The following COG5 variants were observed in gnomAD, a reference collection of about 807,000 sequenced individuals.
COG5 encodes the protein conserved oligomeric Golgi complex subunit 5.
COG5 carries 86 observed loss-of-function variants against 110.4 expected under a neutral mutation model. The observed-to-expected ratio is 0.78, with a 90% CI of 0.65 to 0.93. The LOEUF is 0.93. Ranked by LOEUF, COG5 falls within the 40% of genes least tolerant of loss-of-function variation. COG5 has a pLI of 0.00. For synonymous variants in COG5, 360 were observed against 334.6 expected, an observed-to-expected ratio of 1.08 and a Z score of -0.83; for missense variants, 1,077 against 987.0, an observed-to-expected ratio of 1.09 and a Z score of -1.22.
At chr7:107,210,713 C>A in intron 20 of COG5, 108 bp from the exon 21 acceptor site, 2 of 1,218,840 alleles carry the variant, frequency 1.6e-6, no homozygotes, top group South Asian at 1.3e-5. Flanking sequence ...TGAAACTGCC[C>A]CAAAACCTGT....
intron 6 of COG5, among the ~76,000 whole-genome samples, chr7:107,525,019 C>T (rs1383808655): frequency 6.6e-6 from 1 of 152,054 alleles, no homozygotes; most frequent in Non-Finnish European, 1.5e-5. Context: ...CCTCCGCCTC[C>T]TGGGTTCAAG....
At chr7:107,439,255 A>G (rs1216932456) in intron 6 of COG5, among the ~76,000 whole-genome samples, 1 of 151,488 alleles carries the variant, frequency 6.6e-6, no homozygotes, top group Non-Finnish European at 1.5e-5. Context: ...TATAACTATG[A>G]TGCAATTCCT....
intron 10 of COG5, among the ~76,000 whole-genome samples, chr7:107,358,547 G>T (rs1812827259): frequency 1.3e-5 from 2 of 152,276 alleles, no homozygotes; most frequent in Non-Finnish European, 2.9e-5. Context: ...CTATTGTCAG[G>T]AAATCCTGAT....
intron 19 of COG5, among the ~76,000 whole-genome samples, chr7:107,224,743 A>G (rs1191303055): frequency 1.3e-5 from 2 of 152,282 alleles, no homozygotes; most frequent in African/African-American, 4.8e-5. Context: ...GCCATGCTGC[A>G]GAGAGGTGGA....
intron 11 of COG5, among the ~76,000 whole-genome samples, chr7:107,316,206 A>G (rs1014988273): frequency 6.6e-6 from 1 of 152,218 alleles, no homozygotes; most frequent in African/African-American, 2.4e-5. Context: ...ATTTTTTATT[A>G]CATGGGAGCA....
intron 12 of COG5, among the ~76,000 whole-genome samples, chr7:107,295,955 T>G (rs978881944): frequency 6.6e-6 from 1 of 152,036 alleles, no homozygotes; most frequent in South Asian, 2.1e-4. Flanking sequence ...CACGCCTACA[T>G]AATTTTTTGT....
At chr7:107,457,358 AG>A (rs1197235207) in intron 6 of COG5, among the ~76,000 whole-genome samples, 1 of 147,748 alleles carries the variant, frequency 6.8e-6, no homozygotes, top group Non-Finnish European at 1.5e-5. Flanking sequence ...TAAAGCTATG[AG>A]GAGAAAAAAA....
At chr7:107,361,768 G>T (rs747799649) in intron 10 of COG5, among the ~76,000 whole-genome samples, 1 of 152,036 alleles carries the variant, frequency 6.6e-6, no homozygotes, top group Non-Finnish European at 1.5e-5. Flanking sequence ...CACCATATTG[G>T]TCAGGCTGGT....
intron 6 of COG5, among the ~76,000 whole-genome samples, chr7:107,414,618 A>G (rs1792563286): frequency 6.7e-6 from 1 of 148,432 alleles, no homozygotes; most frequent in Admixed American, 6.9e-5. Context: ...CCTTCCATTC[A>G]TGAACCTCTG....
chr7:107,263,494 T>G (rs543145161), intron 14 of COG5, among the ~76,000 whole-genome samples: 6 of 152,212 alleles, frequency 3.9e-5, no homozygotes, highest in Non-Finnish European at 8.8e-5. Context: ...GTTACACTAT[T>G]CCAGTACAAT....
At chr7:107,258,423 A>G in intron 14 of COG5, 40 bp from the exon 15 acceptor site, 1 of 1,124,696 alleles carries the variant, frequency 8.9e-7, no homozygotes, top group Non-Finnish European at 1.4e-6. Context: ...TCAGAATGAT[A>G]ATTCTCTCTC....
intron 7 of COG5, among the ~76,000 whole-genome samples, chr7:107,381,686 A>G (rs930973419): frequency 6.6e-6 from 1 of 152,250 alleles, no homozygotes; most frequent in Non-Finnish European, 1.5e-5. Context: ...GAAAATGTAC[A>G]AGACTCACGA....
At chr7:107,239,888 A>G (rs1355008020) in intron 17 of COG5, among the ~76,000 whole-genome samples, 1 of 152,210 alleles carries the variant, frequency 6.6e-6, no homozygotes, top group Non-Finnish European at 1.5e-5. Context: ...GTTTGTGGCC[A>G]AATAGAAGAA....
At chr7:107,262,718 T>A (rs1395437063) in intron 14 of COG5, among the ~76,000 whole-genome samples, 1 of 152,042 alleles carries the variant, frequency 6.6e-6, no homozygotes, top group Non-Finnish European at 1.5e-5. Context: ...GACACCTCCT[T>A]CCCTCCTCCT....
intron 6 of COG5, among the ~76,000 whole-genome samples, chr7:107,447,660 T>A (rs1188726225): frequency 1.3e-5 from 2 of 152,188 alleles, no homozygotes; most frequent in Non-Finnish European, 2.9e-5. Flanking sequence ...ACTCTGTCAA[T>A]AACCATATAT....
chr7:107,334,889 T>C (rs573512105), intron 10 of COG5, among the ~76,000 whole-genome samples: 1 of 152,132 alleles, frequency 6.6e-6, no homozygotes, highest in Admixed American at 6.5e-5. Flanking sequence ...ATACTGTAAC[T>C]GTGCTGTGTG....
chr7:107,253,011 C>G (rs1300286519), intron 16 of COG5: 1 of 152,076 alleles, frequency 6.6e-6, no homozygotes, highest in Non-Finnish European at 1.5e-5. Flanking sequence ...ATGCTTTACC[C>G]CCAGGTCAGA....
chr7:107,236,007 C>T (rs575849781), intron 18 of COG5, among the ~76,000 whole-genome samples: 1 of 152,228 alleles, frequency 6.6e-6, no homozygotes, highest in African/African-American at 2.4e-5. Flanking sequence ...TCTACCTGGC[C>T]CACTGTGCAT....
intron 6 of COG5, among the ~76,000 whole-genome samples, chr7:107,427,070 C>A (rs1793687660): frequency 6.6e-6 from 1 of 152,116 alleles, no homozygotes; most frequent in Admixed American, 6.5e-5. Context: ...AGTGAAGGGC[C>A]AATCTGACAA....
Sources: allele counts gnomAD v4.1 joint callset (sites outside exome capture counted in the v4.1 genomes callset), GRCh38; gene constraint gnomAD v4.1.1; transcripts MANE v1.5; gene names NCBI Gene and HGNC (gene_info 2026-07-23, HGNC 2026-07-21).